Variants in MDGA2 observed in about 807,000 individuals in gnomAD.
MDGA2 encodes the protein MAM domain containing glycosylphosphatidylinositol anchor 2, also known as MAM domain-containing glycosylphosphatidylinositol anchor protein 2.
In MDGA2, 40 loss-of-function variants were observed where a neutral mutation model predicts 117.8. The observed-to-expected ratio is 0.34, with a 90% CI of 0.26 to 0.44. The LOEUF (loss-of-function observed/expected upper bound fraction) is 0.44. MDGA2 is among the 20% of genes least tolerant of loss of function. MDGA2 has a pLI of 1.00. For missense variants in MDGA2, 1,123 were observed against 1,250.6 expected (o/e 0.90, Z 1.54); for synonymous variants, 452 against 439.0 (o/e 1.03, Z -0.37).
rs909308756 is a variant in MDGA2, at chr14:47,301,543, G to T, written c.288C>A (p.Pro96=). The T allele has an allele frequency of 1.3e-6, 2 of 1,551,454 alleles. No individual in the cohort carries two copies. Among genetic ancestry groups the T allele is most frequent in the African/African-American group, 2.7e-5 (2 of 73,004 alleles). ...AGCCTGAGTGCACAATACGAACCGTGGGAGGAGCTGTCGAGTCAGGAAGAA... is the reference window on the plus strand; with the variant it reads ...AGCCTGAGTGCACAATACGAACCGTTGGAGGAGCTGTCGAGTCAGGAAGAA... ...GISGQGVYAP[P]TVRIVHSGLA... is the part of the protein sequence containing the mutation. Residue 96 remains proline, a synonymous_variant, in exon 2 of 17, where the codon CCC becomes CCA. Transcript: ENST00000399232.
At chr14:47,504,437 T>C (rs543672051) in intron 1 of MDGA2, among the ~76,000 whole-genome samples, 21 of 152,272 alleles carry the variant, frequency 1.4e-4, no homozygotes, top group Admixed American at 5.2e-4. Context: ...CATCACATTA[T>C]AGTGAATTAT....
At chr14:47,300,634 T>A (rs1281155406) in intron 2 of MDGA2, among the ~76,000 whole-genome samples, 1 of 151,906 alleles carries the variant, frequency 6.6e-6, no homozygotes, top group East Asian at 1.9e-4. Flanking sequence ...AGACTACGGG[T>A]GTGCAACACC....
chr14:47,076,479 G>A (rs1890496159), intron 6 of MDGA2, among the ~76,000 whole-genome samples: 1 of 151,832 alleles, frequency 6.6e-6, no homozygotes, highest in African/African-American at 2.4e-5. Flanking sequence ...AAAGTACAAT[G>A]CCATGTTCCA....
intron 1 of MDGA2, among the ~76,000 whole-genome samples, chr14:47,595,190 T>G (rs1428264039): frequency 6.6e-6 from 1 of 151,484 alleles, no homozygotes; most frequent in Non-Finnish European, 1.5e-5. Context: ...ATGTAATAAT[T>G]GGGGAGAGAT....
intron 1 of MDGA2, among the ~76,000 whole-genome samples, chr14:47,610,413 C>CTAATAT (rs1762995986): frequency 3.3e-5 from 5 of 151,978 alleles, no homozygotes; most frequent in Non-Finnish European, 7.4e-5. Flanking sequence ...ATCGTGAAAA[C>CTAATAT]CCTAATGACT....
chr14:47,094,211 C>A (rs1340093066), intron 6 of MDGA2, among the ~76,000 whole-genome samples: 1 of 151,858 alleles, frequency 6.6e-6, no homozygotes, highest in Non-Finnish European at 1.5e-5. Flanking sequence ...TATGTGAATG[C>A]CACTGCTGAG....
rs1235606375 is a variant in MDGA2, at chr14:46,988,124, T to C, written c.1820-30481A>G. On this transcript the variant is annotated intron_variant, in intron 8 of 16. Coordinates refer to ENST00000399232, the MANE Select transcript of MDGA2 (RefSeq NM_001113498.3). ...AGGATGGTACTAGCTAGCAGTGCCA[T>C]ATATGAATGTATGAGAAGGGTTGTA... Among the ~76,000 whole-genome samples, 11 of 151,980 alleles carry C rather than the reference T, an allele frequency of 7.2e-5. No individual in the cohort carries two copies. The East Asian group carries it at 2.1e-3, about 29-fold the overall frequency.
rs115861366 is a variant in MDGA2, at chr14:47,061,687, T to C, written c.1196-109A>G. On this transcript the variant is annotated intron_variant, in intron 6 of 16. Coordinates refer to ENST00000399232, the MANE Select transcript of MDGA2 (RefSeq NM_001113498.3). ...TGAAATAAAGTAAAACCAAATAAAG[T>C]GTACATATATTTCTTTTTTATATCC... 2,299 of 881,110 alleles carry C rather than the reference T, an allele frequency of 2.6e-3. 31 individuals carry two copies. In the African/African-American group the frequency reaches 0.032, roughly 12 times the overall value. 54.6% of individuals were successfully genotyped at this position (881,110 alleles called of 1,614,324 possible).
chr14:47,627,674 A>G (rs2774168), intron 1 of MDGA2, among the ~76,000 whole-genome samples: 151,551 of 152,282 alleles, frequency 1, 75,417 homozygotes, highest in East Asian at 1. Context: ...GGATGTGGGT[A>G]GGGCCGGATA....
chr14:47,037,735 A>G (rs951682336), intron 7 of MDGA2, among the ~76,000 whole-genome samples: 4 of 152,236 alleles, frequency 2.6e-5, no homozygotes, highest in African/African-American at 9.6e-5. Context: ...TTCACATGTC[A>G]AAACTGCTTA....
chr14:47,319,554 T>C (rs1439556216), intron 1 of MDGA2, among the ~76,000 whole-genome samples: 1 of 152,168 alleles, frequency 6.6e-6, no homozygotes. Flanking sequence ...GGGTATTTAA[T>C]CTCTTCAGGC....
chr14:47,593,427 T>A (rs1158044722), intron 1 of MDGA2, among the ~76,000 whole-genome samples: 3 of 152,144 alleles, frequency 2.0e-5, no homozygotes, highest in South Asian at 4.1e-4. Flanking sequence ...GATACATGCA[T>A]GCGTTTGTTC....
intron 1 of MDGA2, among the ~76,000 whole-genome samples, chr14:47,366,531 C>T (rs919252026): frequency 2.0e-4 from 30 of 152,024 alleles, no homozygotes; most frequent in Admixed American, 9.2e-4. Flanking sequence ...TTATTTTCTT[C>T]GCCCTTCACC....
At chr14:46,861,157 A>G (rs980549491) in intron 14 of MDGA2, among the ~76,000 whole-genome samples, 1 of 151,910 alleles carries the variant, frequency 6.6e-6, no homozygotes, top group African/African-American at 2.4e-5. Flanking sequence ...AATACATCCA[A>G]TCAAGAAATG....
intron 9 of MDGA2, among the ~76,000 whole-genome samples, chr14:46,951,452 A>G (rs1042801357): frequency 1.3e-5 from 2 of 151,950 alleles, no homozygotes; most frequent in African/African-American, 4.8e-5. Flanking sequence ...ATGTTACAGA[A>G]TGTCACTTCT....
At chr14:46,896,300 G>A (rs1355742553) in intron 10 of MDGA2, among the ~76,000 whole-genome samples, 1 of 152,034 alleles carries the variant, frequency 6.6e-6, no homozygotes, top group Non-Finnish European at 1.5e-5. Context: ...TATAGACATA[G>A]AAGAACAAAA....
chr14:47,374,799 T>C (rs1594823715), intron 1 of MDGA2, among the ~76,000 whole-genome samples: 2 of 152,100 alleles, frequency 1.3e-5, no homozygotes, highest in East Asian at 1.9e-4. Flanking sequence ...CTAGTATTTG[T>C]AATGGTATGC....
chr14:47,221,367 A>C (rs1007663981), intron 2 of MDGA2, among the ~76,000 whole-genome samples: 3 of 152,202 alleles, frequency 2.0e-5, no homozygotes, highest in Admixed American at 6.5e-5. Flanking sequence ...TATCACAAAA[A>C]AATCAGTTTC....
At position 47,249,770 on chromosome 14, in the gene MDGA2, T is replaced by C. The variant is rs563647487; in HGVS notation, c.421-31575A>G. Among the ~76,000 whole-genome samples, 34 of 152,232 alleles carry C rather than the reference T, an allele frequency of 2.2e-4. No individual in the cohort carries two copies. In the South Asian group the frequency reaches 6.6e-3, roughly 30 times the overall value. On this transcript the variant is annotated intron_variant, in intron 2 of 16. Coordinates refer to ENST00000399232, the MANE Select transcript of MDGA2 (RefSeq NM_001113498.3). ...TAAACAGTACAGGAATAAGCTGAAGTCCTACGGAGTAAGACACTTATTTCA... is the reference window on the plus strand; with the variant it reads ...TAAACAGTACAGGAATAAGCTGAAGCCCTACGGAGTAAGACACTTATTTCA...
Sources: gnomAD v4.1 joint callset for allele counts (sites outside exome capture counted in the v4.1 genomes callset) on GRCh38, gnomAD v4.1.1 for gene constraint, MANE v1.5 for transcripts, NCBI Gene and HGNC (gene_info 2026-07-23, HGNC 2026-07-21) for gene names.